COIL: variants seen among roughly 807,000 people sequenced by gnomAD.
The protein encoded by COIL is coilin p80.
In COIL, 28 loss-of-function variants were observed where a neutral mutation model predicts 51.6. The ratio of observed to expected loss-of-function variants is 0.54; its 90% CI spans 0.40 to 0.74. The LOEUF is 0.74. Among genes scored for constraint, COIL ranks in the 30% least tolerant of loss-of-function variants. The probability of loss-of-function intolerance (pLI) is 0.00; values close to 1 mark genes in which losing one functional copy is unlikely to be tolerated. For missense variants in COIL, 667 were observed against 685.9 expected (o/e 0.97, Z 0.31); for synonymous variants, 233 against 255.8 (o/e 0.91, Z 0.85).
chr17:56,953,048 T>C lies in COIL; in HGVS notation c.246-2052A>G, dbSNP rs187698005. Among the ~76,000 whole-genome samples, 193 of 151,840 alleles carry C rather than the reference T, an allele frequency of 1.3e-3. 1 individual carries two copies. The highest frequency in any genetic ancestry group is 1.5e-3 in the South Asian group (7 of 4,806). ...ATCCCAAAACTCTGGGAGGCTAAGG[T>C]GGTAGGGTGGCTTGAGCCCAGGAGT... On this transcript the variant is annotated intron_variant, in intron 1 of 6. Coordinates refer to ENST00000240316, the MANE Select transcript of COIL (RefSeq NM_004645.3).
chr17:56,942,212 A>T, intron 5 of COIL, 89 bp from the exon 6 acceptor site: 1 of 1,003,238 alleles, frequency 1.0e-6, no homozygotes, highest in South Asian at 1.3e-5. Flanking sequence ...TCATTAAGAA[A>T]ACAACCACAA....
At position 56,950,581 on chromosome 17, in the gene COIL, C is replaced by G; in HGVS notation, c.661G>C (p.Gly221Arg). Residue 221 changes from glycine (G) to arginine (R), a missense_variant, in exon 2 of 7, where the codon GGT becomes CGT. Gly to Arg is a moderately radical substitution (Grantham distance 125). Transcript: ENST00000240316. The stretch of plus-strand genomic sequence containing the variant: ...TTAACAAGGCTGTTTCTAGCAGAAC[C>G]TTTTGGAGAACTACATCTCTGATTG... The part of the protein sequence containing the change: ...WANQRCSSPK[G>R]SARNSLVKAK... 6.2e-7 allele frequency: 1 copy of G among 1,614,198 alleles called. No homozygotes were observed. The highest frequency in any genetic ancestry group is 8.5e-7 in the Non-Finnish European group (1 of 1,180,038).
Position 56,952,205 on chromosome 17 carries a change from T to C in COIL, c.246-1209A>G. 6.0e-6 allele frequency: 3 copies of C among 500,526 alleles called. No homozygotes were observed. The Admixed American group carries it at 6.1e-5, about 10-fold the overall frequency. 31.0% of individuals were successfully genotyped at this position (500,526 alleles called of 1,614,324 possible). On this transcript the variant is annotated intron_variant, in intron 1 of 6. Transcript: ENST00000240316. ...AGAGCTGGGAAAACTGTTGTGAACC[T>C]CACAGGCAGGCTAAACAAGTATGGA...
chr17:56,947,711 T>C (rs1298290722), intron 4 of COIL, among the ~76,000 whole-genome samples: 1 of 152,186 alleles, frequency 6.6e-6, no homozygotes, highest in Non-Finnish European at 1.5e-5. Context: ...CCTCAAGTGA[T>C]TCACCTACCT....
At chr17:56,960,536 A>T (rs76847938) in intron 1 of COIL, among the ~76,000 whole-genome samples, 103,881 of 147,854 alleles carry the variant, frequency 0.7, 37,076 homozygotes, top group African/African-American at 0.86. Context: ...AAAAAAAAAA[A>T]TAATAATAAA....
In COIL at chr17:56,960,788, T is replaced by G; in HGVS notation, c.232A>C (p.Asn78His). The G allele has an allele frequency of 2.5e-6, 4 of 1,582,010 alleles. No individual in the cohort carries two copies. Among genetic ancestry groups the G allele is most frequent in the Non-Finnish European group, 3.4e-6 (4 of 1,165,200 alleles). ...PAESARLVRD[N>H]DCLRVKLEER... ...TGCGCCGCGCACCTGAGGCAGTCGT[T>G]GTCTCTCACAAGGCGCGCGCTCTCG... Residue 78 changes from asparagine to histidine, a missense_variant, in exon 1 of 7, where the codon AAC becomes CAC. Asn to His is a moderately conservative substitution (Grantham distance 68, BLOSUM62 1). Transcript: ENST00000240316.
rs559905106 is a variant in COIL at position 56,953,960 on chromosome 17, T to A, written c.246-2964A>T. ...TAATCTGGCAAAAGCCAGTTTGGCATCCTGTGAATCTAAGAACTACCATGG... is the reference window on the plus strand; with the variant it reads ...TAATCTGGCAAAAGCCAGTTTGGCAACCTGTGAATCTAAGAACTACCATGG... On this transcript the variant is annotated intron_variant, in intron 1 of 6. Coordinates refer to ENST00000240316, the MANE Select transcript of COIL (RefSeq NM_004645.3). Among the ~76,000 whole-genome samples the A allele has an allele frequency of 3.5e-4, 53 of 152,314 alleles. 1 individual carries two copies. Among genetic ancestry groups the A allele is most frequent in the African/African-American group, 1.2e-3 (51 of 41,560 alleles).
rs1283418504 is a variant in COIL at position 56,961,028 on chromosome 17, G to A, written c.-9C>T. On this transcript the variant is annotated 5_prime_UTR_variant, in exon 1 of 7. Transcript: ENST00000240316. Reference sequence around the variant, plus strand: ...GTCTCGGAAGCTGCCATCTTGCTTGGTGCTCAACGGAAGCCGAGAGATACC... The same window carrying A: ...GTCTCGGAAGCTGCCATCTTGCTTGATGCTCAACGGAAGCCGAGAGATACC... 6.6e-5 allele frequency: 107 copies of A among 1,612,408 alleles called. No homozygotes were observed. In the Admixed American group the frequency reaches 1.3e-3, roughly 19 times the overall value.
chr17:56,949,608 C>A, intron 3 of COIL, 73 bp downstream of exon 3: 1 of 1,467,248 alleles, frequency 6.8e-7, no homozygotes, highest in Non-Finnish European at 9.5e-7. Context: ...ACACATTTAA[C>A]CTGATTTTCT....
Position 56,950,329 on chromosome 17 carries a change from T to C in COIL, c.913A>G (p.Ser305Gly). The C allele has an allele frequency of 6.2e-7, 1 of 1,614,226 alleles. No homozygotes were observed. Among genetic ancestry groups the C allele is most frequent in the Non-Finnish European group, 8.5e-7 (1 of 1,180,038 alleles). ...GTTGTTCCAGAGGTCTTGCCCTTGC[T>C]GGGGGTAAGGCTAAAGCCAAGTTTT... ...AIKLGFSLTP[S>G]KGKTSGTTSS... is the part of the protein sequence containing the mutation. The change falls in exon 2 of 7, where the codon AGC becomes GGC. Residue 305 changes from serine to glycine, a missense_variant. Physicochemically the swap from Ser to Gly is moderately conservative, Grantham distance 56. Coordinates refer to ENST00000240316, the MANE Select transcript of COIL (RefSeq NM_004645.3).
At chr17:56,959,194 A>T (rs577660211) in intron 1 of COIL, among the ~76,000 whole-genome samples, 2 of 152,024 alleles carry the variant, frequency 1.3e-5, no homozygotes, top group East Asian at 1.9e-4. Flanking sequence ...CAAATACAAA[A>T]ATTAGCCAGG....
chr17:56,942,523 C>CT (rs886334028), intron 5 of COIL, among the ~76,000 whole-genome samples: 164 of 148,662 alleles, frequency 1.1e-3, no homozygotes, highest in East Asian at 5.7e-3. Flanking sequence ...GGCAGTCCCC[C>CT]TTTTTTTTTT....
In COIL at chr17:56,960,959, G is replaced by C. The variant is rs771361795; in HGVS notation, c.61C>G (p.Pro21Ala). 3.0e-5 allele frequency: 48 copies of C among 1,614,064 alleles called. No homozygotes were observed. Among genetic ancestry groups the C allele is most frequent in the Non-Finnish European group, 3.7e-5 (44 of 1,180,028 alleles). Residue 21 changes from proline (P) to alanine (A), a missense_variant, in exon 1 of 7, where the codon CCG (proline) becomes GCG (alanine). Physicochemically the swap from Pro to Ala is conservative, Grantham distance 27. Coordinates refer to ENST00000240316, the MANE Select transcript of COIL (RefSeq NM_004645.3). ...AGAAGCCAGAAGGCCGTACAGTGCGGGGTAGCTGGCGGCGGGTAATCAAAT... is the reference window on the plus strand; with the variant it reads ...AGAAGCCAGAAGGCCGTACAGTGCGCGGTAGCTGGCGGCGGGTAATCAAAT... ...LQFDYPPPAT[P>A]HCTAFWLLVD...
intron 5 of COIL, among the ~76,000 whole-genome samples, chr17:56,944,540 C>T (rs940703014): frequency 4.0e-5 from 6 of 151,278 alleles, no homozygotes; most frequent in Non-Finnish European, 2.9e-5. Flanking sequence ...TGCACTGAGC[C>T]GAGATCGCCC....
At chr17:56,941,874 T>G (rs1017424428) in intron 6 of COIL, among the ~76,000 whole-genome samples, 161 bp downstream of exon 6, 2 of 152,244 alleles carry the variant, frequency 1.3e-5, no homozygotes, top group Non-Finnish European at 2.9e-5. Flanking sequence ...ATAGGCTCTA[T>G]GAGGGCCAAG....
intron 1 of COIL, among the ~76,000 whole-genome samples, chr17:56,959,688 C>G (rs1271614645): frequency 6.6e-6 from 1 of 152,194 alleles, no homozygotes; most frequent in Non-Finnish European, 1.5e-5. Context: ...GAAGAAAACA[C>G]AACGATTCCC....
chr17:56,959,526 T>G (rs531538939), intron 1 of COIL, among the ~76,000 whole-genome samples: 28 of 152,350 alleles, frequency 1.8e-4, no homozygotes, highest in Non-Finnish European at 4.0e-4. Context: ...TTTAAGATTA[T>G]TTTGTGTTTC....
chr17:56,959,721 A>G (rs1484929023), intron 1 of COIL, among the ~76,000 whole-genome samples: 1 of 152,220 alleles, frequency 6.6e-6, no homozygotes, highest in African/African-American at 2.4e-5. Flanking sequence ...CCTGCACCTG[A>G]CCCTGAAGGC....
rs1348812413 is a variant in COIL, at chr17:56,960,775, C to G, written c.245G>C (p.Arg82Thr). Reference sequence around the variant, plus strand: ...CCGTCCCGCTCCCTGCGCCGCGCACCTGAGGCAGTCGTTGTCTCTCACAAG... The same window carrying G: ...CCGTCCCGCTCCCTGCGCCGCGCACGTGAGGCAGTCGTTGTCTCTCACAAG... ...ARLVRDNDCL[R>T]VKLEERGVAE... Residue 82 changes from arginine to threonine, a missense_variant and splice_region_variant, in exon 1 of 7, where the codon AGA becomes ACA. Transcript: ENST00000240316. The G allele has an allele frequency of 1.5e-5, 23 of 1,566,594 alleles. No homozygotes were observed. The highest frequency in any genetic ancestry group is 2.0e-5 in the Non-Finnish European group (23 of 1,157,804).
Sources: gnomAD v4.1 joint callset for allele counts (sites outside exome capture counted in the v4.1 genomes callset) on GRCh38, gnomAD v4.1.1 for gene constraint, MANE v1.5 for transcripts, NCBI Gene and HGNC (gene_info 2026-07-23, HGNC 2026-07-21) for gene names.